DOCK1: variants seen among roughly 807,000 people sequenced by gnomAD.
The protein encoded by DOCK1 is dedicator of cytokinesis protein 1.
Under a neutral mutation model 262.7 loss-of-function variants are expected in DOCK1, and 138 were observed. The ratio of observed to expected loss-of-function variants is 0.53; its 90% CI spans 0.46 to 0.61. The LOEUF (loss-of-function observed/expected upper bound fraction) is 0.61. DOCK1 is among the 20% of genes least tolerant of loss of function. DOCK1 has a pLI of 0.00. For synonymous variants in DOCK1, 866 were observed against 867.4 expected (o/e 1.00, Z 0.03); for missense variants, 1,908 against 2,370.7 (o/e 0.80, Z 4.05).
chr10:126,940,347 G>A (rs1047411192), intron 1 of DOCK1, among the ~76,000 whole-genome samples: 1 of 152,174 alleles, frequency 6.6e-6, no homozygotes, highest in Non-Finnish European at 1.5e-5. Context: ...TTCAAACCAG[G>A]TGGTTTTCCA....
chr10:127,234,278 C>A (rs2058964076), intron 27 of DOCK1, among the ~76,000 whole-genome samples: 1 of 152,146 alleles, frequency 6.6e-6, no homozygotes, highest in South Asian at 2.1e-4. Flanking sequence ...TATTTAGAAA[C>A]CCTCTCCAAA....
chr10:127,138,054 T>C (rs2050855468), intron 27 of DOCK1: 4 of 1,558,226 alleles, frequency 2.6e-6, no homozygotes, highest in Non-Finnish European at 3.5e-6. Context: ...CTTTAGCATT[T>C]GATCTTTTCC....
chr10:127,216,565 G>A (rs941852091), intron 27 of DOCK1, among the ~76,000 whole-genome samples: 1 of 152,082 alleles, frequency 6.6e-6, no homozygotes, highest in Non-Finnish European at 1.5e-5. Context: ...CTTTCCATTG[G>A]CTGGAAAATG....
chr10:127,170,357 A>C (rs1424595510), intron 27 of DOCK1, among the ~76,000 whole-genome samples: 3 of 152,180 alleles, frequency 2.0e-5, no homozygotes, highest in Non-Finnish European at 4.4e-5. Flanking sequence ...CCAAGCCTGC[A>C]GGTAACACCC....
intron 51 of DOCK1, 129 bp downstream of exon 51, chr10:127,447,674 G>C (rs1230263305): frequency 9.9e-6 from 14 of 1,407,184 alleles, no homozygotes; most frequent in Non-Finnish European, 1.3e-5. Context: ...TGTATGATGG[G>C]CCCGGGTTTG....
intron 18 of DOCK1, among the ~76,000 whole-genome samples, chr10:127,033,496 C>G (rs1324832692): frequency 6.6e-6 from 1 of 152,184 alleles, no homozygotes; most frequent in South Asian, 2.1e-4. Context: ...TTGAATCTTC[C>G]AAATGCAGCC....
intron 33 of DOCK1, among the ~76,000 whole-genome samples, chr10:127,372,979 C>T (rs946143101): frequency 1.3e-5 from 2 of 152,212 alleles, no homozygotes; most frequent in African/African-American, 4.8e-5. Flanking sequence ...TGGCTATGAA[C>T]TCTGCCAGAG....
intron 29 of DOCK1, among the ~76,000 whole-genome samples, chr10:127,322,213 A>G (rs560392082): frequency 6.7e-6 from 1 of 148,684 alleles, no homozygotes; most frequent in African/African-American, 2.5e-5. Context: ...TCCTGGAGAC[A>G]GAGTCTTACT....
rs1432204651 is a variant in DOCK1, at chr10:127,257,370, C to T, written c.2985C>T (p.Asn995=). The T allele has an allele frequency of 6.2e-7, 1 of 1,606,152 alleles. No individual in the cohort carries two copies. Among genetic ancestry groups the T allele is most frequent in the Non-Finnish European group, 8.5e-7 (1 of 1,175,688 alleles). Residue 995 remains asparagine (N), a synonymous_variant, in exon 29 of 52, where the codon AAC becomes AAT. Transcript: ENST00000623213. ...FLMETFIMFK[N]LIGKNVYPFD... is the part of the protein sequence containing the mutation. ...TGGAAACATTCATCATGTTTAAGAA[C>T]CTCATTGGAAAGAACGTTTACCCCT...
In DOCK1 at chr10:127,410,770, A is replaced by G. The variant is rs1371981048; in HGVS notation, c.4344-70A>G. On this transcript the variant is annotated intron_variant, in intron 42 of 51. Transcript: ENST00000623213. ...AGGCAGTGACATGTTCTAAGGCCAG[A>G]CCCCGTGTCCAAAAGCAAATTGGCT... The G allele has an allele frequency of 2.1e-6, 3 of 1,435,346 alleles. No homozygotes were observed. The Admixed American group carries it at 5.8e-5, about 28-fold the overall frequency. The allele number at this position is 1,435,346 out of a possible 1,614,324, so 88.9% of individuals were successfully genotyped here. A position where few individuals can be genotyped will look rare whatever the true frequency, so the allele number is the denominator to read the frequency against.
chr10:126,916,965 C>T lies in DOCK1; in HGVS notation c.46+11402C>T, dbSNP rs556509176. ...TCCAGTTTGTCACAGTGCAGAGAGA[C>T]AGGTGGGAGCTGTGCGAGGCCAGCG... is the stretch of plus-strand genomic sequence containing the variant. On this transcript the variant is annotated intron_variant, in intron 1 of 51. Coordinates refer to ENST00000623213, the MANE Select transcript of DOCK1 (RefSeq NM_001290223.2). Among the ~76,000 whole-genome samples the T allele has an allele frequency of 1.9e-3, 267 of 143,056 alleles. 2 individuals carry two copies. The highest frequency in any genetic ancestry group is 6.7e-3 in the African/African-American group (256 of 38,008). 93.9% of individuals were successfully genotyped at this position (143,056 alleles called of 152,430 possible). A position where few individuals can be genotyped will look rare whatever the true frequency, so the allele number is the denominator to read the frequency against.
At chr10:127,430,322 T>C (rs1401683877) in intron 47 of DOCK1, among the ~76,000 whole-genome samples, 1 of 152,258 alleles carries the variant, frequency 6.6e-6, no homozygotes, top group East Asian at 1.9e-4. Context: ...GACCCTGGGG[T>C]TCCTCAGAGG....
chr10:127,234,356 A>G (rs918163082), intron 27 of DOCK1, among the ~76,000 whole-genome samples: 4 of 152,188 alleles, frequency 2.6e-5, no homozygotes, highest in Non-Finnish European at 5.9e-5. Context: ...GTACACATCA[A>G]ATTCAATAGT....
chr10:127,197,214 C>A (rs1337733757), intron 27 of DOCK1, among the ~76,000 whole-genome samples: 1 of 152,086 alleles, frequency 6.6e-6, no homozygotes, highest in Non-Finnish European at 1.5e-5. Context: ...CCAGAGCAGG[C>A]GCCACTGCCA....
intron 10 of DOCK1, chr10:127,001,361 A>T (rs2040583131): frequency 6.6e-6 from 1 of 152,316 alleles, no homozygotes; most frequent in East Asian, 1.9e-4. Flanking sequence ...AAATACAGAC[A>T]GTTCCTATAT....
At chr10:127,450,431 T>C (rs1481092730) in intron 51 of DOCK1, among the ~76,000 whole-genome samples, 5 of 152,262 alleles carry the variant, frequency 3.3e-5, no homozygotes, top group Admixed American at 6.5e-5. Context: ...TGCTCCCACT[T>C]ACCCTGGTCT....
intron 1 of DOCK1, among the ~76,000 whole-genome samples, chr10:126,940,357 A>G (rs887465865): frequency 6.6e-6 from 1 of 152,228 alleles, no homozygotes; most frequent in Non-Finnish European, 1.5e-5. Flanking sequence ...GTGGTTTTCC[A>G]TATTAGATGA....
intron 29 of DOCK1, among the ~76,000 whole-genome samples, chr10:127,267,138 T>A (rs1218786406): frequency 1.3e-5 from 2 of 152,154 alleles, no homozygotes; most frequent in African/African-American, 4.8e-5. Flanking sequence ...CAGAGGTTGC[T>A]TTTAGAGGGG....
At chr10:127,387,253 T>C (rs1407310282) in intron 38 of DOCK1, among the ~76,000 whole-genome samples, 3 of 152,240 alleles carry the variant, frequency 2.0e-5, no homozygotes, top group Non-Finnish European at 4.4e-5. Context: ...TTCTGCGTCC[T>C]GAAATGCACC....
Sources: gnomAD v4.1 joint callset for allele counts (sites outside exome capture counted in the v4.1 genomes callset) on GRCh38, gnomAD v4.1.1 for gene constraint, MANE v1.5 for transcripts, NCBI Gene and HGNC (gene_info 2026-07-23, HGNC 2026-07-21) for gene names.